Variants in RIPOR2 observed in about 807,000 individuals in gnomAD.
RIPOR2 encodes RHO family interacting cell polarization regulator 2.
A neutral mutation model predicts 114.5 loss-of-function variants in RIPOR2; 39 were observed. The observed-to-expected ratio is 0.34, with a 90% confidence interval of 0.26 to 0.44. The LOEUF (loss-of-function observed/expected upper bound fraction) is 0.44. RIPOR2 is among the 20% of genes least tolerant of loss of function. RIPOR2 has a pLI of 1.00. For missense variants in RIPOR2, 1,007 were observed against 1,255.1 expected (o/e 0.80, Z 2.99); for synonymous variants, 445 against 484.4 (o/e 0.92, Z 1.07).
upstream of RIPOR2, chr6:24,936,041 TTTCA>T: frequency 1.6e-6 from 1 of 618,550 alleles, no homozygotes; most frequent in Non-Finnish European, 2.8e-6. Flanking sequence ...AAGAAAGCAG[TTTCA>T]TTCATATGAA....
At chr6:24,879,966 A>G (rs1233672148) in intron 1 of RIPOR2, among the ~76,000 whole-genome samples, 1 of 152,254 alleles carries the variant, frequency 6.6e-6, no homozygotes, top group Non-Finnish European at 1.5e-5. Context: ...TTTTAATAGC[A>G]GGTGCTCCAT....
intron 17 of RIPOR2, 72 bp downstream of exon 17, chr6:24,830,429 ACCCCTCTC>A: frequency 2.5e-6 from 3 of 1,177,588 alleles, no homozygotes; most frequent in Non-Finnish European, 3.6e-6. Context: ...TGGTAGGAGG[ACCCCTCTC>A]CCCCGACCCC....
intron 1 of RIPOR2, among the ~76,000 whole-genome samples, chr6:24,882,379 A>G (rs183107067): frequency 1.3e-4 from 20 of 152,350 alleles, no homozygotes; most frequent in South Asian, 4.1e-4. Context: ...CCAGGTGTGA[A>G]TCTTCAAACT....
intron 1 of RIPOR2, among the ~76,000 whole-genome samples, chr6:25,032,088 G>C (rs1038945473): frequency 6.6e-6 from 1 of 151,578 alleles, no homozygotes; most frequent in Non-Finnish European, 1.5e-5. Flanking sequence ...CCTTGGTCCA[G>C]AGGGGAAGAG....
chr6:24,913,996 C>T (rs954973670), intron 1 of RIPOR2, among the ~76,000 whole-genome samples: 15 of 152,114 alleles, frequency 9.9e-5, no homozygotes, highest in African/African-American at 3.6e-4. Context: ...TCGTTTAATA[C>T]AAGTCAGGGT....
intron 16 of RIPOR2, among the ~76,000 whole-genome samples, chr6:24,831,404 C>A (rs923855943): frequency 2.0e-5 from 3 of 152,094 alleles, no homozygotes; most frequent in African/African-American, 7.2e-5. Flanking sequence ...AAATTTTTAC[C>A]CTGCCCAGGT....
At chr6:24,840,716 A>G in intron 13 of RIPOR2, 3 of 1,535,356 alleles carry the variant, frequency 2.0e-6, no homozygotes, top group South Asian at 1.2e-5. Context: ...ATTCACCCTC[A>G]GTGATCTCCG....
At chr6:24,855,500 C>T (rs1763379111) in intron 8 of RIPOR2, among the ~76,000 whole-genome samples, 1 of 152,074 alleles carries the variant, frequency 6.6e-6, no homozygotes, top group Admixed American at 6.5e-5. Context: ...AGAGGCACTC[C>T]GAGGAAATAA....
intron 1 of RIPOR2, among the ~76,000 whole-genome samples, chr6:24,906,494 G>C (rs1308785650): frequency 2.0e-5 from 3 of 152,146 alleles, no homozygotes; most frequent in African/African-American, 7.2e-5. Flanking sequence ...CAACACCTCT[G>C]AGTGAAAGGT....
intron 16 of RIPOR2, among the ~76,000 whole-genome samples, chr6:24,832,020 T>C (rs906905035): frequency 6.6e-6 from 1 of 152,178 alleles, no homozygotes; most frequent in South Asian, 2.1e-4. Context: ...TTTTTGTTTC[T>C]GGGTCTGACT....
At chr6:24,847,654 A>T (rs1036831505) in intron 12 of RIPOR2, 6 of 1,551,644 alleles carry the variant, frequency 3.9e-6, no homozygotes, top group Non-Finnish European at 5.2e-6. Context: ...CAAGACAGAC[A>T]GCCGCCTGGG....
intron 1 of RIPOR2, among the ~76,000 whole-genome samples, chr6:24,950,856 A>G (rs974184846): frequency 6.6e-6 from 1 of 152,056 alleles, no homozygotes; most frequent in Non-Finnish European, 1.5e-5. Context: ...CAAATCTTTT[A>G]TTTTCTCTGC....
At chr6:24,995,630 T>C (rs1775011406) in intron 1 of RIPOR2, among the ~76,000 whole-genome samples, 1 of 152,216 alleles carries the variant, frequency 6.6e-6, no homozygotes, top group African/African-American at 2.4e-5. Context: ...TTACAGAGAA[T>C]ACAACATACA....
At chr6:24,910,895 A>G in intron 1 of RIPOR2, 1 of 985,360 alleles carries the variant, frequency 1.0e-6, no homozygotes, top group Non-Finnish European at 1.2e-6. Flanking sequence ...CACCAATGCA[A>G]TGCCCGGAGC....
chr6:24,825,198 G>A lies in RIPOR2; in HGVS notation c.2868+28C>T, dbSNP rs770847521. ...TGATAGGAAATTAAACCAGCTTCTGGCTTGATGGCCATGGTTTAGTGTCTT... is the reference window on the plus strand; with the variant it reads ...TGATAGGAAATTAAACCAGCTTCTGACTTGATGGCCATGGTTTAGTGTCTT... On this transcript the variant is annotated intron_variant, in intron 19 of 21. Transcript: ENST00000643898. 3.3e-6 allele frequency: 5 copies of A among 1,505,646 alleles called. No individual in the cohort carries two copies. The South Asian group carries it at 6.1e-5, about 18-fold the overall frequency. 93.3% of individuals were successfully genotyped at this position (1,505,646 alleles called of 1,614,324 possible). A position where few individuals can be genotyped will look rare whatever the true frequency, so the allele number is the denominator to read the frequency against.
intron 1 of RIPOR2, among the ~76,000 whole-genome samples, chr6:24,949,035 C>T (rs1176727235): frequency 9.2e-5 from 14 of 152,080 alleles, no homozygotes. Flanking sequence ...CATCTCTGTA[C>T]ATCCATGTCA....
At chr6:24,869,544 C>T (rs914931303) in intron 5 of RIPOR2, among the ~76,000 whole-genome samples, 1 of 152,150 alleles carries the variant, frequency 6.6e-6, no homozygotes, top group Non-Finnish European at 1.5e-5. Flanking sequence ...TCTTGAACTT[C>T]TGAGCTCAGG....
At chr6:25,032,352 G>A (rs1777030696) in intron 1 of RIPOR2, among the ~76,000 whole-genome samples, 1 of 152,046 alleles carries the variant, frequency 6.6e-6, no homozygotes, top group African/African-American at 2.4e-5. Flanking sequence ...GCAGGCTCAG[G>A]CTTTGTGTGC....
chr6:24,967,304 G>A (rs1223642032), intron 1 of RIPOR2, among the ~76,000 whole-genome samples: 9 of 152,210 alleles, frequency 5.9e-5, no homozygotes, highest in Admixed American at 1.3e-4. Flanking sequence ...TGTGGAACTG[G>A]TGAATAAGAA....
Sources: allele counts gnomAD v4.1 joint callset (sites outside exome capture counted in the v4.1 genomes callset), GRCh38; gene constraint gnomAD v4.1.1; transcripts MANE v1.5; gene names NCBI Gene and HGNC (gene_info 2026-07-23, HGNC 2026-07-21).